LONP2: variants seen among roughly 807,000 people sequenced by gnomAD.
The protein encoded by LONP2 is lon peptidase 2, peroxisomal, also known as lon protease homolog 2, peroxisomal.
In LONP2, 60 loss-of-function variants were observed where a neutral mutation model predicts 85.6. The ratio of observed to expected loss-of-function variants is 0.70; its 90% CI spans 0.57 to 0.87. The LOEUF (loss-of-function observed/expected upper bound fraction) is 0.87. Ranked by LOEUF, LONP2 falls within the 40% of genes least tolerant of loss-of-function variation. The probability of loss-of-function intolerance (pLI) is 0.00; values close to 1 mark genes in which losing one functional copy is unlikely to be tolerated. For synonymous variants in LONP2, 395 were observed against 389.7 expected (o/e 1.01, Z -0.16); for missense variants, 860 against 1,063.5 (o/e 0.81, Z 2.66).
chr16:48,262,746 G>A (rs944323042), intron 5 of LONP2, 32 bp from the exon 6 acceptor site: 2 of 1,384,624 alleles, frequency 1.4e-6, no homozygotes, highest in East Asian at 4.7e-5. Flanking sequence ...CTGTGTTCTT[G>A]AACATGTTTG....
intron 4 of LONP2, among the ~76,000 whole-genome samples, chr16:48,259,256 A>AT (rs1460983910): frequency 2.0e-5 from 3 of 152,038 alleles, no homozygotes; most frequent in Admixed American, 6.5e-5. Context: ...ATTTTAGTTG[A>AT]TTTTTTAAAA....
intron 12 of LONP2, among the ~76,000 whole-genome samples, chr16:48,341,359 C>T (rs1258380629): frequency 1.3e-5 from 2 of 152,134 alleles, no homozygotes; most frequent in Non-Finnish European, 2.9e-5. Flanking sequence ...GGGGAGGCCT[C>T]AGGAAACTTA....
chr16:48,267,233 T>TA (rs1370474391), intron 6 of LONP2, among the ~76,000 whole-genome samples: 4 of 152,198 alleles, frequency 2.6e-5, no homozygotes, highest in Non-Finnish European at 5.9e-5. Context: ...GTTAAGCTCC[T>TA]AAACCATTAC....
chr16:48,343,774 T>C (rs1398554857), intron 12 of LONP2: 8 of 152,242 alleles, frequency 5.3e-5, no homozygotes, highest in African/African-American at 1.7e-4. Context: ...AAATACTTCC[T>C]TAATCTGCAT....
downstream of LONP2, among the ~76,000 whole-genome samples, chr16:48,359,914 C>T (rs1309597694): frequency 6.6e-6 from 1 of 152,208 alleles, no homozygotes; most frequent in African/African-American, 2.4e-5. Flanking sequence ...ATAAAAACCA[C>T]ACAAAATTCT....
At chr16:48,289,245 G>A (rs1180842549) in intron 8 of LONP2, among the ~76,000 whole-genome samples, 2 of 152,150 alleles carry the variant, frequency 1.3e-5, no homozygotes, top group Non-Finnish European at 1.5e-5. Context: ...ACAGCCTCAG[G>A]AGGTCCTGAC....
intron 11 of LONP2, among the ~76,000 whole-genome samples, chr16:48,326,053 A>AT (rs1176873451): frequency 6.6e-6 from 1 of 152,186 alleles, no homozygotes; most frequent in Non-Finnish European, 1.5e-5. Flanking sequence ...CTTTCCTTAG[A>AT]TATAAATGGA....
chr16:48,306,318 T>G (rs187612091), intron 11 of LONP2, among the ~76,000 whole-genome samples: 75 of 152,346 alleles, frequency 4.9e-4, no homozygotes, highest in African/African-American at 1.8e-3. Flanking sequence ...TATACATACA[T>G]CCATGTAGCA....
At chr16:48,295,275 G>A (rs566279773) in intron 8 of LONP2, among the ~76,000 whole-genome samples, 222 of 152,310 alleles carry the variant, frequency 1.5e-3, no homozygotes, top group African/African-American at 5.0e-3. Context: ...AGGAGGCTGA[G>A]GCAGGAGAAT....
intron 8 of LONP2, among the ~76,000 whole-genome samples, chr16:48,292,875 A>G (rs1430664779): frequency 3.9e-5 from 6 of 152,220 alleles, no homozygotes; most frequent in East Asian, 1.9e-4. Flanking sequence ...TCTTTGCTCA[A>G]TTAAACTGTT....
intron 1 of LONP2, among the ~76,000 whole-genome samples, chr16:48,246,189 A>G (rs1051763247): frequency 1.3e-5 from 2 of 152,266 alleles, no homozygotes; most frequent in Middle Eastern, 3.4e-3. Context: ...ATTCATTTAT[A>G]TTGTAAAAGC....
rs1301165525 is a variant in LONP2, at chr16:48,336,377, A to G, written c.1938+2019A>G. 1.1e-5 allele frequency: 5 copies of G among 456,102 alleles called. No individual in the cohort carries two copies. In the Admixed American group the frequency reaches 1.2e-4, roughly 11 times the overall value. The allele number at this position is 456,102 out of a possible 1,614,324, so 28.3% of individuals were successfully genotyped here. ...AGTCTGCAGAAAGACTCCAGTAGCC[A>G]TTTTGTCTTTTATAGATAGCATCTT... is the stretch of plus-strand genomic sequence containing the variant. On this transcript the variant is annotated intron_variant, in intron 12 of 14. Coordinates refer to ENST00000285737, the MANE Select transcript of LONP2 (RefSeq NM_031490.5).
intron 14 of LONP2, among the ~76,000 whole-genome samples, chr16:48,350,878 T>C (rs1164366938): frequency 3.9e-5 from 6 of 152,186 alleles, no homozygotes; most frequent in Non-Finnish European, 7.3e-5. Flanking sequence ...CCTCACCTGA[T>C]GGACTTGCCC....
At chr16:48,348,797 G>A (rs1415899061) in intron 14 of LONP2, among the ~76,000 whole-genome samples, 1 of 151,950 alleles carries the variant, frequency 6.6e-6, no homozygotes, top group Non-Finnish European at 1.5e-5. Flanking sequence ...TTCAGCCCAC[G>A]TTTCCCATTC....
Position 48,277,408 on chromosome 16 carries a change from G to T in LONP2, c.1312G>T (p.Val438Leu). The T allele has an allele frequency of 6.2e-7, 1 of 1,613,816 alleles. No homozygotes were observed. The highest frequency in any genetic ancestry group is 2.2e-5 in the East Asian group (1 of 44,844). Reference sequence around the variant, plus strand: ...GAAGACTGTGGGAGTGAACAACCCAGTGTTCCTATTAGATGAGGTTGACAA... The same window carrying T: ...GAAGACTGTGGGAGTGAACAACCCATTGTTCCTATTAGATGAGGTTGACAA... ...GLKTVGVNNP[V>L]FLLDEVDKLG... The change falls in exon 8 of 15, where the codon GTG becomes TTG. Residue 438 changes from valine (V) to leucine (L), a missense_variant. By Grantham distance (32) the Val-to-Leu change is conservative (BLOSUM62 1). Coordinates refer to ENST00000285737, the MANE Select transcript of LONP2 (RefSeq NM_031490.5).
intron 1 of LONP2, among the ~76,000 whole-genome samples, chr16:48,251,565 GC>G: frequency 6.6e-6 from 1 of 152,164 alleles, no homozygotes; most frequent in South Asian, 2.1e-4. Flanking sequence ...GTAATATTTA[GC>G]CCTCACACTT....
intron 11 of LONP2, among the ~76,000 whole-genome samples, chr16:48,311,127 A>G (rs1973021220): frequency 6.6e-6 from 1 of 152,190 alleles, no homozygotes; most frequent in Non-Finnish European, 1.5e-5. Flanking sequence ...ACTAGATGCC[A>G]TGGTGAGATC....
intron 5 of LONP2, among the ~76,000 whole-genome samples, chr16:48,262,259 C>A (rs1402455636): frequency 1.1e-4 from 17 of 152,062 alleles, no homozygotes; most frequent in Non-Finnish European, 2.5e-4. Flanking sequence ...TATGAGCAGA[C>A]CTCACTCATC....
intron 6 of LONP2, among the ~76,000 whole-genome samples, chr16:48,264,646 A>G (rs1333981232): frequency 6.6e-6 from 1 of 152,240 alleles, no homozygotes; most frequent in Non-Finnish European, 1.5e-5. Flanking sequence ...AGATTAAAGT[A>G]AAGACAGGCA....
Sources: gnomAD v4.1 joint callset for allele counts (sites outside exome capture counted in the v4.1 genomes callset) on GRCh38, gnomAD v4.1.1 for gene constraint, MANE v1.5 for transcripts, NCBI Gene and HGNC (gene_info 2026-07-23, HGNC 2026-07-21) for gene names.